The following UNC79 variants were observed in gnomAD, a reference collection of about 807,000 sequenced individuals.
UNC79 encodes the protein unc-79 subunit of NALCN channel complex, also known as protein unc-79 homolog.
In UNC79, 37 loss-of-function variants were observed where a neutral mutation model predicts 283.1. The observed-to-expected ratio is 0.13, with a 90% CI of 0.10 to 0.17. The LOEUF is 0.17. Ranked by LOEUF, UNC79 falls within the 10% of genes least tolerant of loss-of-function variation. The probability of loss-of-function intolerance (pLI) is 1.00; values close to 1 mark genes in which losing one functional copy is unlikely to be tolerated. For synonymous variants in UNC79, 1,107 were observed against 1,200.2 expected, an observed-to-expected ratio of 0.92 and a Z score of 1.61; for missense variants, 2,272 against 3,211.1, an observed-to-expected ratio of 0.71 and a Z score of 7.07.
At chr14:93,347,344 C>CCCCGCTT in intron 1 of UNC79, 1 of 1,597,372 alleles carries the variant, frequency 6.3e-7, no homozygotes, top group South Asian at 1.1e-5. Flanking sequence ...GCAGCCCGCT[C>CCCCGCTT]CCCGCTTCGC....
chr14:93,499,791 G>A (rs1595661603), intron 7 of UNC79, among the ~76,000 whole-genome samples: 1 of 152,174 alleles, frequency 6.6e-6, no homozygotes, highest in South Asian at 2.1e-4. Flanking sequence ...TTGGGAAGGG[G>A]TATTTGTTAA....
chr14:93,513,452 C>A (rs1262285552), intron 7 of UNC79, among the ~76,000 whole-genome samples: 1 of 152,044 alleles, frequency 6.6e-6, no homozygotes, highest in Non-Finnish European at 1.5e-5. Context: ...ATCCTGGGTT[C>A]AAGTGATCCT....
intron 1 of UNC79, among the ~76,000 whole-genome samples, chr14:93,376,151 T>G (rs1483707897): frequency 6.6e-6 from 1 of 152,208 alleles, no homozygotes; most frequent in Admixed American, 6.5e-5. Context: ...GAAAATGGAC[T>G]AAGACATGAA....
chr14:93,640,890 G>A (rs973069094), intron 32 of UNC79, among the ~76,000 whole-genome samples: 3 of 152,122 alleles, frequency 2.0e-5, no homozygotes, highest in Admixed American at 2.0e-4. Context: ...GCACACCTGA[G>A]CTCTTTCTGA....
chr14:93,401,873 A>G (rs2055114517), intron 1 of UNC79, among the ~76,000 whole-genome samples: 1 of 152,212 alleles, frequency 6.6e-6, no homozygotes, highest in Admixed American at 6.5e-5. Flanking sequence ...ACTGTTAGAA[A>G]GGGAAGAGTG....
At chr14:93,571,219 C>T (rs373912737) in intron 14 of UNC79, among the ~76,000 whole-genome samples, 4 of 152,170 alleles carry the variant, frequency 2.6e-5, no homozygotes, top group African/African-American at 7.2e-5. Flanking sequence ...ACCTTTGTTA[C>T]GTTGATACTT....
intron 14 of UNC79, among the ~76,000 whole-genome samples, chr14:93,570,618 C>T (rs2063156270): frequency 6.6e-6 from 1 of 151,786 alleles, no homozygotes; most frequent in African/African-American, 2.4e-5. Context: ...AATCTGATTT[C>T]TGTTATTTAA....
At chr14:93,483,010 G>C (rs965658863) in intron 4 of UNC79, among the ~76,000 whole-genome samples, 1 of 152,036 alleles carries the variant, frequency 6.6e-6, no homozygotes, top group African/African-American at 2.4e-5. Flanking sequence ...AGGAGCCTTG[G>C]CCTTTCTGCA....
chr14:93,496,514 T>C (rs368294745), intron 6 of UNC79, 48 bp downstream of exon 6: 1 of 1,327,032 alleles, frequency 7.5e-7, no homozygotes, highest in African/African-American at 1.5e-5. Context: ...TTAATTTGTA[T>C]AATACAGTAA....
intron 1 of UNC79, among the ~76,000 whole-genome samples, chr14:93,347,643 G>T (rs1363284779): frequency 6.6e-6 from 1 of 152,122 alleles, no homozygotes; most frequent in Non-Finnish European, 1.5e-5. Flanking sequence ...AACGCGCGGG[G>T]ATTGGGCCTC....
At chr14:93,398,080 T>G (rs1478042222) in intron 1 of UNC79, among the ~76,000 whole-genome samples, 1 of 152,204 alleles carries the variant, frequency 6.6e-6, no homozygotes, top group Non-Finnish European at 1.5e-5. Flanking sequence ...TACTCCACCA[T>G]TTTCAATGAT....
intron 1 of UNC79, among the ~76,000 whole-genome samples, chr14:93,375,211 T>C (rs2054530115): frequency 6.6e-6 from 1 of 152,082 alleles, no homozygotes; most frequent in African/African-American, 2.4e-5. Flanking sequence ...TGCAAAACCC[T>C]GTCTCTACAA....
At chr14:93,556,042 G>A (rs2141356091) in intron 14 of UNC79, among the ~76,000 whole-genome samples, 2 of 152,272 alleles carry the variant, frequency 1.3e-5, no homozygotes, top group Non-Finnish European at 2.9e-5. Context: ...CAGCTGGAAG[G>A]CAGAACAGAT....
chr14:93,477,818 A>AT, intron 4 of UNC79, 90 bp downstream of exon 4: 1 of 1,242,090 alleles, frequency 8.1e-7, no homozygotes, highest in Non-Finnish European at 1.1e-6. Flanking sequence ...GTTTTTCGAG[A>AT]TTATAATGGA....
intron 2 of UNC79, among the ~76,000 whole-genome samples, chr14:93,471,114 C>G (rs1029739770): frequency 6.6e-6 from 1 of 152,104 alleles, no homozygotes; most frequent in Non-Finnish European, 1.5e-5. Flanking sequence ...ATTGTAGATG[C>G]AGCATAATAA....
chr14:93,469,023 T>C (rs2057363423), intron 2 of UNC79, among the ~76,000 whole-genome samples: 1 of 152,210 alleles, frequency 6.6e-6, no homozygotes, highest in Admixed American at 6.5e-5. Flanking sequence ...TGGAAAACAG[T>C]TTCCTTTATG....
chr14:93,429,154 A>G (rs2055794964), upstream of UNC79, among the ~76,000 whole-genome samples: 1 of 152,226 alleles, frequency 6.6e-6, no homozygotes, highest in African/African-American at 2.4e-5. Context: ...TTAGTCATAC[A>G]AAGTGTTTGT....
intron 1 of UNC79, among the ~76,000 whole-genome samples, chr14:93,404,297 C>A (rs2055169799): frequency 1.4e-5 from 2 of 142,416 alleles, no homozygotes; most frequent in African/African-American, 2.6e-5. Flanking sequence ...TGACCCTGGG[C>A]AACATAGTGA....
At chr14:93,501,190 T>A (rs2059264983) in intron 7 of UNC79, among the ~76,000 whole-genome samples, 2 of 151,986 alleles carry the variant, frequency 1.3e-5, no homozygotes, top group South Asian at 4.1e-4. Context: ...CCAGGCATGG[T>A]GGTGCACGCC....
Sources: gnomAD v4.1 joint callset for allele counts (sites outside exome capture counted in the v4.1 genomes callset) on GRCh38, gnomAD v4.1.1 for gene constraint, MANE v1.5 for transcripts, NCBI Gene and HGNC (gene_info 2026-07-23, HGNC 2026-07-21) for gene names.